Variants in NRXN1 observed in about 807,000 individuals in gnomAD.
The protein encoded by NRXN1 is neurexin-1.
A neutral mutation model predicts 150.9 loss-of-function variants in NRXN1; 39 were observed. That is an observed-to-expected ratio of 0.26 (90% CI 0.20 to 0.34). The LOEUF (loss-of-function observed/expected upper bound fraction) is 0.34. Ranked by LOEUF, NRXN1 falls within the 10% of genes least tolerant of loss-of-function variation. The pLI is 1.00. For synonymous variants in NRXN1, 924 were observed against 757.0 expected, an observed-to-expected ratio of 1.22 and a Z score of -3.62; for missense variants, 1,815 against 1,949.9, an observed-to-expected ratio of 0.93 and a Z score of 1.30.
At chr2:50,535,038 A>C (rs1178291741) in intron 10 of NRXN1, among the ~76,000 whole-genome samples, 1 of 152,214 alleles carries the variant, frequency 6.6e-6, no homozygotes, top group Non-Finnish European at 1.5e-5. Context: ...TCTCAATGTG[A>C]AAATAACTTG....
intron 2 of NRXN1, among the ~76,000 whole-genome samples, chr2:50,964,555 C>T (rs4971712): frequency 0.81 from 122,094 of 151,288 alleles, 49,698 homozygotes; most frequent in East Asian, 0.99. Flanking sequence ...TTTAAAATAA[C>T]TGTGACCACT....
chr2:50,823,352 T>G (rs542199537), intron 5 of NRXN1, among the ~76,000 whole-genome samples: 1 of 152,122 alleles, frequency 6.6e-6, no homozygotes, highest in Admixed American at 6.5e-5. Context: ...TTTGGAAAAG[T>G]GAATCAAAAT....
At chr2:50,340,363 C>G (rs544083622) in intron 17 of NRXN1, among the ~76,000 whole-genome samples, 1 of 152,162 alleles carries the variant, frequency 6.6e-6, no homozygotes, top group South Asian at 2.1e-4. Context: ...CCTACATAGA[C>G]CAGAAAGGGC....
chr2:50,657,775 A>G (rs1481042076), intron 5 of NRXN1, among the ~76,000 whole-genome samples: 1 of 152,008 alleles, frequency 6.6e-6, no homozygotes, highest in African/African-American at 2.4e-5. Context: ...CTTCCTTTAA[A>G]TCACAAGGAT....
chr2:51,024,603 C>T (rs1226925694), intron 2 of NRXN1, among the ~76,000 whole-genome samples: 2 of 152,030 alleles, frequency 1.3e-5, no homozygotes, highest in African/African-American at 4.8e-5. Flanking sequence ...TGAGCTCATT[C>T]AATAAAAATA....
chr2:50,178,962 G>T (rs1207909380), intron 18 of NRXN1, among the ~76,000 whole-genome samples: 1 of 152,018 alleles, frequency 6.6e-6, no homozygotes, highest in South Asian at 2.1e-4. Context: ...TTTGTAAAGA[G>T]AAATACCTAA....
chr2:50,336,846 C>T (rs112801790), intron 17 of NRXN1, among the ~76,000 whole-genome samples: 1 of 152,044 alleles, frequency 6.6e-6, no homozygotes, highest in East Asian at 1.9e-4. Context: ...GCCCTGTGTA[C>T]TTAAGAATCA....
chr2:50,345,214 C>T (rs1366434613), intron 17 of NRXN1, among the ~76,000 whole-genome samples: 2 of 152,162 alleles, frequency 1.3e-5, no homozygotes, highest in African/African-American at 4.8e-5. Flanking sequence ...GAACAAATTC[C>T]TAGAACCCAC....
intron 17 of NRXN1, among the ~76,000 whole-genome samples, chr2:50,403,443 A>G (rs112326401): frequency 6.6e-6 from 1 of 152,258 alleles, no homozygotes; most frequent in African/African-American, 2.4e-5. Flanking sequence ...ACATATGTTC[A>G]GGTTTAAGAA....
At chr2:50,956,811 C>G (rs1303652663) in intron 2 of NRXN1, among the ~76,000 whole-genome samples, 3 of 151,876 alleles carry the variant, frequency 2.0e-5, no homozygotes, top group African/African-American at 4.8e-5. Context: ...GTTTACTGGC[C>G]TAAATGCCTT....
In NRXN1 at chr2:50,975,438, T is replaced by A. The variant is rs113059808; in HGVS notation, c.773-49483A>T. ...AGTCTCTTTCCATACTTTTCTATTC[T>A]CTGCAAGGCAAAATGCAAACTGGCA... On this transcript the variant is annotated intron_variant, in intron 2 of 22. Coordinates refer to ENST00000401669, the MANE Select transcript of NRXN1 (RefSeq NM_001330078.2). Among the ~76,000 whole-genome samples, 1,102 of 152,152 alleles carry A rather than the reference T, an allele frequency of 7.2e-3. 18 individuals carry two copies. The highest frequency in any genetic ancestry group is 0.023 in the African/African-American group (976 of 41,534).
At chr2:50,589,866 T>C (rs903937690) in intron 8 of NRXN1, among the ~76,000 whole-genome samples, 3 of 152,198 alleles carry the variant, frequency 2.0e-5, no homozygotes, top group Admixed American at 6.5e-5. Flanking sequence ...CTAACTATTG[T>C]CTGTTTCCTA....
intron 7 of NRXN1, chr2:50,620,867 C>G (rs1419087650): frequency 1.5e-5 from 4 of 260,158 alleles, no homozygotes; most frequent in Non-Finnish European, 2.2e-5. Context: ...CTCCAGCATT[C>G]CCAAATCAAG....
At chr2:50,025,418 A>G (rs996888059) in intron 21 of NRXN1, among the ~76,000 whole-genome samples, 3 of 152,198 alleles carry the variant, frequency 2.0e-5, no homozygotes, top group Non-Finnish European at 4.4e-5. Flanking sequence ...GGAGTCAGAC[A>G]TGTTGAAATG....
chr2:50,788,232 A>G (rs929569931), intron 5 of NRXN1, among the ~76,000 whole-genome samples: 1 of 151,404 alleles, frequency 6.6e-6, no homozygotes, highest in African/African-American at 2.4e-5. Context: ...GACTACAGGC[A>G]CCCGCCACCA....
intron 5 of NRXN1, among the ~76,000 whole-genome samples, chr2:50,913,236 C>G (rs1014100314): frequency 6.6e-6 from 1 of 151,790 alleles, no homozygotes; most frequent in African/African-American, 2.4e-5. Flanking sequence ...GATTTTGCTA[C>G]TAGCAATCTA....
At chr2:50,971,286 T>C (rs1454271585) in intron 2 of NRXN1, among the ~76,000 whole-genome samples, 1 of 152,110 alleles carries the variant, frequency 6.6e-6, no homozygotes, top group African/African-American at 2.4e-5. Context: ...CCAATTTCTG[T>C]GTTTAAAACA....
chr2:49,977,163 A>C (rs1375203887), intron 21 of NRXN1, among the ~76,000 whole-genome samples: 1 of 152,220 alleles, frequency 6.6e-6, no homozygotes, highest in African/African-American at 2.4e-5. Flanking sequence ...AAACCTAAAA[A>C]AAAAATGAAT....
chr2:50,666,839 AATGATGATGATGATGATGATGATGATG>A, intron 5 of NRXN1, among the ~76,000 whole-genome samples: 1 of 144,988 alleles, frequency 6.9e-6, no homozygotes, highest in African/African-American at 2.6e-5. Flanking sequence ...AGCATAAAAT[AATGATGATGATGATGATGATGATGATG>A]ATGATGATGA....
Sources: gnomAD v4.1 joint callset for allele counts (sites outside exome capture counted in the v4.1 genomes callset) on GRCh38, gnomAD v4.1.1 for gene constraint, MANE v1.5 for transcripts, NCBI Gene and HGNC (gene_info 2026-07-23, HGNC 2026-07-21) for gene names.